Variants in GAPDH observed in about 807,000 individuals in gnomAD.
GAPDH encodes OCAS, p38 component.
GAPDH carries 13 observed loss-of-function variants against 31.2 expected under a neutral mutation model. That is an observed-to-expected ratio of 0.42 (90% CI 0.27 to 0.66). The LOEUF is 0.66. GAPDH is among the 30% of genes least tolerant of loss of function. The probability of loss-of-function intolerance (pLI) is 0.26; values close to 1 mark genes in which losing one functional copy is unlikely to be tolerated. For missense variants in GAPDH, 300 were observed against 443.7 expected, an observed-to-expected ratio of 0.68 and a Z score of 2.91; for synonymous variants, 211 against 166.9, an observed-to-expected ratio of 1.26 and a Z score of -2.04.
Position 6,536,487 on chromosome 12 carries a change from C to G in GAPDH, c.30-7C>G. On this transcript the variant is annotated splice_polypyrimidine_tract_variant and splice_region_variant and intron_variant, in intron 2 of 8. Coordinates refer to ENST00000229239, the MANE Select transcript of GAPDH (RefSeq NM_002046.7). ...CTCCTCATGCCTTCTTGCCTCTTGT[C>G]TCTTAGATTTGGTCGTATTGGGCGC... is the stretch of plus-strand genomic sequence containing the variant. 1 of 1,608,298 alleles carries G rather than the reference C, an allele frequency of 6.2e-7. No homozygotes were observed. Among genetic ancestry groups the G allele is most frequent in the Non-Finnish European group, 8.5e-7 (1 of 1,176,008 alleles).
In GAPDH at chr12:6,537,391, G is replaced by A. The variant is rs764562811; in HGVS notation, c.525+1G>A. ...CTTTGGTATCGTGGAAGGACTCATG[G>A]TATGAGAGCTGGGGAATGGGACTGA... On this transcript the variant is annotated splice_donor_variant, in intron 7 of 8. Transcript: ENST00000229239. LOFTEE classifies it high-confidence loss of function. The surrounding 1 kb of genome is among the most constrained non-coding windows in gnomAD (Gnocchi z 4.9). 2 of 1,600,370 alleles carry A rather than the reference G, an allele frequency of 1.2e-6. No individual in the cohort carries two copies. The highest frequency in any genetic ancestry group is 1.3e-5 in the African/African-American group (1 of 74,850).
chr12:6,537,525 G>A lies in GAPDH; in HGVS notation c.526-59G>A, dbSNP rs1481282133. 11 of 1,588,036 alleles carry A rather than the reference G, an allele frequency of 6.9e-6. No homozygotes were observed. The highest frequency in any genetic ancestry group is 9.4e-6 in the Non-Finnish European group (11 of 1,165,052). ...TTTCCCATAATTTCCTTTCAAGGTG[G>A]GGAGGGAGGTAGAGGGGTGATGTGG... On this transcript the variant is annotated intron_variant, in intron 7 of 8. Transcript: ENST00000229239. This position sits in a 1 kb window ranked among gnomAD's most constrained non-coding sequence, Gnocchi z 4.9.
intron 2 of GAPDH, 110 bp from the exon 3 acceptor site, chr12:6,536,384 G>C: frequency 1.3e-6 from 1 of 799,580 alleles, no homozygotes; most frequent in South Asian, 1.5e-5. Flanking sequence ...GGCCCTCCTG[G>C]GGGTAAGGAG....
In GAPDH at chr12:6,534,685, T is replaced by G. The variant is rs188796702; in HGVS notation, c.-24+116T>G. 6.8e-6 allele frequency: 6 copies of G among 883,864 alleles called. No homozygotes were observed. In the East Asian group the frequency reaches 1.3e-4, roughly 20 times the overall value. 54.8% of individuals were successfully genotyped at this position (883,864 alleles called of 1,614,324 possible). On this transcript the variant is annotated intron_variant, in intron 1 of 8. Transcript: ENST00000229239. ...GGGTGGGCCCGGGCGGCCTCCGCATTGCAGGGGCGGGCGGAGGACGTGATG... is the reference window on the plus strand; with the variant it reads ...GGGTGGGCCCGGGCGGCCTCCGCATGGCAGGGGCGGGCGGAGGACGTGATG...
intron 1 of GAPDH, 40 bp from the exon 2 acceptor site, chr12:6,534,770 C>T (rs1027966350): frequency 7.0e-6 from 11 of 1,573,272 alleles, no homozygotes; most frequent in Non-Finnish European, 9.6e-6. Flanking sequence ...GTGTGTCGGC[C>T]GGGGCCACTA....
intron 2 of GAPDH, among the ~76,000 whole-genome samples, chr12:6,536,247 C>T (rs1286028940): frequency 1.3e-5 from 2 of 152,176 alleles, no homozygotes; most frequent in African/African-American, 2.4e-5. Flanking sequence ...CCCACATGGC[C>T]GCTTCTCCTG....
Position 6,537,448 on chromosome 12 carries a change from C to A in GAPDH, c.525+58C>A. ...CACCTTTCTCATCCAAGACTGGCTC[C>A]TCCCTGCCGGGGCTGCGTGCAACCC... On this transcript the variant is annotated intron_variant, in intron 7 of 8. Transcript: ENST00000229239. The surrounding 1 kb of genome is among the most constrained non-coding windows in gnomAD (Gnocchi z 4.9). The A allele has an allele frequency of 6.3e-7, 1 of 1,586,782 alleles. No individual in the cohort carries two copies.
In GAPDH at chr12:6,537,716, G is replaced by A; in HGVS notation, c.658G>A (p.Val220Ile). ...TGGCGCTGCCAAGGCTGTGGGCAAGGTCATCCCTGAGCTGAACGGGAAGCT... is the reference window on the plus strand; with the variant it reads ...TGGCGCTGCCAAGGCTGTGGGCAAGATCATCCCTGAGCTGAACGGGAAGCT... ...STGAAKAVGK[V>I]IPELNGKLTG... Residue 220 changes from valine (V) to isoleucine (I), a missense_variant, in exon 8 of 9, where the codon GTC (valine) becomes ATC (isoleucine). By Grantham distance (29) the Val-to-Ile change is conservative. Transcript: ENST00000229239. This position sits in a 1 kb window ranked among gnomAD's most constrained non-coding sequence, Gnocchi z 4.9. 1.2e-6 allele frequency: 2 copies of A among 1,611,670 alleles called. No individual in the cohort carries two copies. The highest frequency in any genetic ancestry group is 1.7e-6 in the Non-Finnish European group (2 of 1,179,862).
chr12:6,537,236 T>G lies in GAPDH; in HGVS notation c.443+20T>G. On this transcript the variant is annotated intron_variant, in intron 6 of 8. Coordinates refer to ENST00000229239, the MANE Select transcript of GAPDH (RefSeq NM_002046.7). This position sits in a 1 kb window ranked among gnomAD's most constrained non-coding sequence, Gnocchi z 4.9. ...CATCAGGTGAGGAAGGCAGGGCCCG[T>G]GGAGAAGCGGCCAGCCTGGCACCCT... 1 of 1,598,386 alleles carries G rather than the reference T, an allele frequency of 6.3e-7. No homozygotes were observed.
chr12:6,534,740 G>C (rs575095159), intron 1 of GAPDH, 70 bp from the exon 2 acceptor site: 6 of 1,327,846 alleles, frequency 4.5e-6, no homozygotes, highest in African/African-American at 1.4e-5. Context: ...AGGCCTGGTG[G>C]GGGAGGGGAG....
Position 6,537,401 on chromosome 12 carries a change from T to C in GAPDH, c.525+11T>C. ...GTGGAAGGACTCATGGTATGAGAGC[T>C]GGGGAATGGGACTGAGGCTCCCACC... On this transcript the variant is annotated intron_variant, in intron 7 of 8. Transcript: ENST00000229239. This position sits in a 1 kb window ranked among gnomAD's most constrained non-coding sequence, Gnocchi z 4.9. The C allele has an allele frequency of 6.2e-7, 1 of 1,603,330 alleles. No homozygotes were observed. The highest frequency in any genetic ancestry group is 1.7e-5 in the Admixed American group (1 of 58,060).
At chr12:6,535,294 C>T in intron 2 of GAPDH, 1 of 1,006,614 alleles carries the variant, frequency 9.9e-7, no homozygotes, top group Non-Finnish European at 1.2e-6. Flanking sequence ...GTAGAGCGGC[C>T]GCCATGTTGC....
intron 2 of GAPDH, among the ~76,000 whole-genome samples, chr12:6,535,908 C>T (rs1199285513): frequency 8.2e-6 from 1 of 121,292 alleles, no homozygotes; most frequent in Non-Finnish European, 2.1e-5. Flanking sequence ...TGCTCCCACT[C>T]CTGATTTCTG....
chr12:6,535,434 C>T lies in GAPDH; in HGVS notation c.29+573C>T, dbSNP rs573547578. 45 of 987,824 alleles carry T rather than the reference C, an allele frequency of 4.6e-5. No individual in the cohort carries two copies. In the African/African-American group the frequency reaches 7.7e-4, roughly 17 times the overall value. 61.2% of individuals were successfully genotyped at this position (987,824 alleles called of 1,614,324 possible). A position where few individuals can be genotyped will look rare whatever the true frequency, so the allele number is the denominator to read the frequency against. On this transcript the variant is annotated intron_variant, in intron 2 of 8. Transcript: ENST00000229239. The stretch of plus-strand genomic sequence containing the variant: ...GGAGCGAGGCTAGCTGGCCCGATTT[C>T]TCCTCCGGGTGATGCTTTTCCTAGA...
chr12:6,535,231 C>T, intron 2 of GAPDH: 1 of 1,088,124 alleles, frequency 9.2e-7, no homozygotes, highest in Non-Finnish European at 1.1e-6. Flanking sequence ...CACCGCAGGC[C>T]CCGGGATGCT....
intron 3 of GAPDH, 27 bp from the exon 4 acceptor site, chr12:6,536,657 C>T (rs777566101): frequency 1.2e-6 from 2 of 1,602,976 alleles, no homozygotes; most frequent in Non-Finnish European, 1.7e-6. Context: ...ATGGGCAGCC[C>T]CTTCATACCC....
In GAPDH at chr12:6,537,536, A is replaced by G; in HGVS notation, c.526-48A>G. ...TTCCTTTCAAGGTGGGGAGGGAGGT[A>G]GAGGGGTGATGTGGGGAGTACGCTG... On this transcript the variant is annotated intron_variant, in intron 7 of 8. Transcript: ENST00000229239. This position sits in a 1 kb window ranked among gnomAD's most constrained non-coding sequence, Gnocchi z 4.9. 1 of 1,592,468 alleles carries G rather than the reference A, an allele frequency of 6.3e-7. No homozygotes were observed.
Position 6,536,772 on chromosome 12 carries a change from C to A in GAPDH, c.218C>A (p.Pro73His), listed in dbSNP as rs775584055. The change falls in exon 4 of 9, where the codon CCC becomes CAC. Residue 73 changes from proline to histidine, a missense_variant. Physicochemically the swap from Pro to His is moderately conservative, Grantham distance 77. Transcript: ENST00000229239. ...ENGKLVINGNPITIFQERDPS... is the reference protein window; with the variant it reads ...ENGKLVINGNHITIFQERDPS... Reference sequence around the variant, plus strand: ...GGGAAGCTTGTCATCAATGGAAATCCCATCACCATCTTCCAGGAGTGAGTG... The same window carrying A: ...GGGAAGCTTGTCATCAATGGAAATCACATCACCATCTTCCAGGAGTGAGTG... 6.2e-7 allele frequency: 1 copy of A among 1,613,794 alleles called. No individual in the cohort carries two copies. Among genetic ancestry groups the A allele is most frequent in the Admixed American group, 1.7e-5 (1 of 60,012 alleles).
rs778786251 is a variant in GAPDH at position 6,536,728 on chromosome 12, C to T, written c.174C>T (p.Gly58=). The change falls in exon 4 of 9, where the codon GGC becomes GGT. Residue 58 remains glycine (G), a synonymous_variant. Coordinates refer to ENST00000229239, the MANE Select transcript of GAPDH (RefSeq NM_002046.7). ...QYDSTHGKFH[G]TVKAENGKLV... Reference sequence around the variant, plus strand: ...ATTCCACCCATGGCAAATTCCATGGCACCGTCAAGGCTGAGAACGGGAAGC... The same window carrying T: ...ATTCCACCCATGGCAAATTCCATGGTACCGTCAAGGCTGAGAACGGGAAGC... 6.2e-6 allele frequency: 10 copies of T among 1,613,868 alleles called. No homozygotes were observed. In the Admixed American group the frequency reaches 1.7e-4, roughly 27 times the overall value.
Sources: allele counts gnomAD v4.1 joint callset (sites outside exome capture counted in the v4.1 genomes callset), GRCh38; gene constraint gnomAD v4.1.1; non-coding constraint Gnocchi (gnomAD v3.1); transcripts MANE v1.5; gene names NCBI Gene and HGNC (gene_info 2026-07-23, HGNC 2026-07-21).